PPP4R1: variants seen among roughly 807,000 people sequenced by gnomAD.
The protein encoded by PPP4R1 is serine/threonine-protein phosphatase 4 regulatory subunit 1.
PPP4R1 carries 42 observed loss-of-function variants against 111.2 expected under a neutral mutation model. The observed-to-expected ratio is 0.38, with a 90% CI of 0.29 to 0.49. The LOEUF is 0.49. Among genes scored for constraint, PPP4R1 ranks in the 20% least tolerant of loss-of-function variants. The pLI, the probability that PPP4R1 is intolerant of heterozygous loss-of-function variation, is 0.97. For synonymous variants in PPP4R1, 409 were observed against 405.5 expected (o/e 1.01, Z -0.10); for missense variants, 1,012 against 1,161.6 (o/e 0.87, Z 1.87).
chr18:9,559,925 G>A (rs2066645759), intron 13 of PPP4R1, among the ~76,000 whole-genome samples: 2 of 152,178 alleles, frequency 1.3e-5, no homozygotes, highest in Non-Finnish European at 2.9e-5. Context: ...TGTAGGCAGA[G>A]ATGACAATGT....
At chr18:9,593,529 T>A (rs1345387418) in intron 4 of PPP4R1, among the ~76,000 whole-genome samples, 1 of 152,180 alleles carries the variant, frequency 6.6e-6, no homozygotes, top group Non-Finnish European at 1.5e-5. Flanking sequence ...TGCAAAACAA[T>A]GTTTTTAGAT....
chr18:9,576,974 C>A, intron 10 of PPP4R1, 90 bp downstream of exon 10: 1 of 1,196,808 alleles, frequency 8.4e-7, no homozygotes, highest in Non-Finnish European at 1.2e-6. Flanking sequence ...CAAAAAATAA[C>A]ATTTGTTGCA....
chr18:9,558,551 C>A (rs1401917381), intron 14 of PPP4R1, among the ~76,000 whole-genome samples: 1 of 152,278 alleles, frequency 6.6e-6, no homozygotes, highest in South Asian at 2.1e-4. Context: ...TTCCTAACCT[C>A]ATAGGTCAAA....
chr18:9,561,256 A>T (rs1206466036), intron 13 of PPP4R1, among the ~76,000 whole-genome samples: 17 of 145,370 alleles, frequency 1.2e-4, no homozygotes, highest in Non-Finnish European at 2.3e-4. Flanking sequence ...TAATAATAAT[A>T]ATAATAAAGT....
At chr18:9,578,861 C>T (rs903586959) in intron 9 of PPP4R1, among the ~76,000 whole-genome samples, 1 of 152,110 alleles carries the variant, frequency 6.6e-6, no homozygotes, top group African/African-American at 2.4e-5. Context: ...TCACTTTTAA[C>T]GCTGTATGCA....
chr18:9,586,856 T>C (rs1414269693), intron 6 of PPP4R1, among the ~76,000 whole-genome samples: 2 of 152,168 alleles, frequency 1.3e-5, no homozygotes, highest in Non-Finnish European at 2.9e-5. Flanking sequence ...TCACAACAGA[T>C]ACTACTCTAT....
chr18:9,557,108 G>T (rs753057077), intron 15 of PPP4R1, 113 bp downstream of exon 15: 372 of 1,032,298 alleles, frequency 3.6e-4, no homozygotes, highest in Non-Finnish European at 5.0e-4. Flanking sequence ...ACTTATGGCT[G>T]TGTTTTCTTA....
At chr18:9,552,984 G>A (rs991429169) in intron 16 of PPP4R1, among the ~76,000 whole-genome samples, 9 of 152,262 alleles carry the variant, frequency 5.9e-5, no homozygotes, top group Admixed American at 2.0e-4. Context: ...ATTGGGCATG[G>A]GTTTTTCTTT....
At position 9,614,280 on chromosome 18, in the gene PPP4R1, G is replaced by T; in HGVS notation, c.8-10C>A. On this transcript the variant is annotated splice_polypyrimidine_tract_variant and intron_variant, in intron 1 of 19. Transcript: ENST00000400556. This position sits in a 1 kb window ranked among gnomAD's most constrained non-coding sequence, Gnocchi z 4.1. The stretch of plus-strand genomic sequence containing the variant: ...TGAAGCAGCGAGAGGTCTGCGCCGA[G>T]GGGAGAGAAGAAAGGCCCGGTCAGC... The T allele has an allele frequency of 7.6e-7, 1 of 1,312,288 alleles. No homozygotes were observed. Among genetic ancestry groups the T allele is most frequent in the Admixed American group, 3.3e-5 (1 of 30,430 alleles). The allele number at this position is 1,312,288 out of a possible 1,614,324, so 81.3% of individuals were successfully genotyped here. A position where few individuals can be genotyped will look rare whatever the true frequency, so the allele number is the denominator to read the frequency against.
intron 11 of PPP4R1, among the ~76,000 whole-genome samples, chr18:9,566,765 C>T (rs1167674049): frequency 6.6e-6 from 1 of 152,114 alleles, no homozygotes; most frequent in Non-Finnish European, 1.5e-5. Context: ...TCTGCCTGTG[C>T]TCTGTCACTG....
Position 9,547,828 on chromosome 18 carries a change from G to T in PPP4R1, c.2814C>A (p.Ile938=). The change falls in exon 20 of 20, where the codon ATC becomes ATA. Residue 938 remains isoleucine (I), a synonymous_variant. Coordinates refer to ENST00000400556, the MANE Select transcript of PPP4R1 (RefSeq NM_001042388.3). ...FASIHPASTK[I]SEDAMSTASS... ...ACGCTGTGCTCATGGCATCTTCGGA[G>T]ATTTTGGTACTGGCAGGGTGGATGC... The T allele has an allele frequency of 6.2e-7, 1 of 1,613,506 alleles. No homozygotes were observed. Among genetic ancestry groups the T allele is most frequent in the Non-Finnish European group, 8.5e-7 (1 of 1,180,014 alleles).
intron 5 of PPP4R1, 43 bp downstream of exon 5, chr18:9,588,668 A>G: frequency 6.6e-7 from 1 of 1,522,216 alleles, no homozygotes. Flanking sequence ...CATATATTAC[A>G]CTACGTAAAT....
intron 9 of PPP4R1, among the ~76,000 whole-genome samples, chr18:9,578,809 CG>C (rs1201104877): frequency 6.6e-6 from 1 of 152,006 alleles, no homozygotes; most frequent in East Asian, 1.9e-4. Context: ...CACTTACTTA[CG>C]AAACATTATG....
At chr18:9,595,298 A>AT in intron 2 of PPP4R1, 145 bp from the exon 3 acceptor site, 1 of 835,538 alleles carries the variant, frequency 1.2e-6, no homozygotes, top group Non-Finnish European at 1.8e-6. Context: ...GAAGCCACAA[A>AT]TAACTAAAAG....
intron 2 of PPP4R1, 93 bp from the exon 3 acceptor site, chr18:9,595,246 G>A: frequency 7.6e-7 from 1 of 1,308,522 alleles, no homozygotes; most frequent in Non-Finnish European, 1.0e-6. Flanking sequence ...TTTCTGGAAT[G>A]GTACAAAAAA....
chr18:9,591,407 G>T (rs770838085), intron 4 of PPP4R1, among the ~76,000 whole-genome samples: 5 of 151,738 alleles, frequency 3.3e-5, no homozygotes, highest in Non-Finnish European at 7.4e-5. Flanking sequence ...AACTTCACTG[G>T]TTACTGAGGA....
intron 13 of PPP4R1, among the ~76,000 whole-genome samples, chr18:9,560,823 C>T (rs1258937724): frequency 1.3e-5 from 2 of 151,838 alleles, no homozygotes; most frequent in East Asian, 1.9e-4. Flanking sequence ...GATCTCGCCA[C>T]TGCACTCCAG....
At chr18:9,564,759 TTC>T (rs2066738656) in intron 11 of PPP4R1, among the ~76,000 whole-genome samples, 2 of 149,564 alleles carry the variant, frequency 1.3e-5, no homozygotes, top group Non-Finnish European at 3.0e-5. Flanking sequence ...CCCCCATCCA[TTC>T]TGTTCCCTGG....
chr18:9,587,356 C>G (rs2067134018), intron 6 of PPP4R1: 3 of 150,388 alleles, frequency 2.0e-5, no homozygotes, highest in Admixed American at 2.0e-4. Flanking sequence ...TTTGTGGCAA[C>G]TTTAACAGAA....
Sources: gnomAD v4.1 joint callset for allele counts (sites outside exome capture counted in the v4.1 genomes callset) on GRCh38, gnomAD v4.1.1 for gene constraint, Gnocchi (gnomAD v3.1) non-coding constraint, MANE v1.5 for transcripts, NCBI Gene and HGNC (gene_info 2026-07-23, HGNC 2026-07-21) for gene names.